Variants in SMIM41 observed in about 807,000 individuals in gnomAD.
The protein encoded by SMIM41 is small integral membrane protein 41.
intron 2 of SMIM41, among the ~76,000 whole-genome samples, chr12:52,096,878 G>C (rs1940107165): frequency 6.6e-6 from 1 of 151,900 alleles, no homozygotes; most frequent in African/African-American, 2.4e-5. Flanking sequence ...AATAGCCAGG[G>C]GTAGACGATG....
At chr12:52,089,612 CAAAACA>C (rs2120666672) in intron 2 of SMIM41, among the ~76,000 whole-genome samples, 1 of 151,954 alleles carries the variant, frequency 6.6e-6, no homozygotes, top group Middle Eastern at 3.4e-3. Flanking sequence ...CAAAACAAAA[CAAAACA>C]AAACAAAACA....
chr12:52,086,705 C>T (rs534274408), intron 2 of SMIM41, among the ~76,000 whole-genome samples: 1 of 152,180 alleles, frequency 6.6e-6, no homozygotes, highest in African/African-American at 2.4e-5. Context: ...GCTTTATGGC[C>T]ATGCCTTCTA....
chr12:52,095,255 G>A (rs1246245449), intron 2 of SMIM41, among the ~76,000 whole-genome samples: 1 of 151,770 alleles, frequency 6.6e-6, no homozygotes, highest in East Asian at 1.9e-4. Flanking sequence ...GGCGCCCCCC[G>A]CGATGCGGGG....
intron 2 of SMIM41, among the ~76,000 whole-genome samples, chr12:52,084,241 G>T (rs1385418727): frequency 6.6e-6 from 1 of 151,902 alleles, no homozygotes; most frequent in African/African-American, 2.4e-5. Flanking sequence ...GGATGTGGCG[G>T]TGCATGCCTA....
rs117199934 is a variant in SMIM41, at chr12:52,080,875, G to T, written c.*120+694G>T. Among the ~76,000 whole-genome samples the T allele has an allele frequency of 5.8e-3, 887 of 152,294 alleles. 7 individuals carry two copies. Among genetic ancestry groups the T allele is most frequent in the Non-Finnish European group, 8.4e-3 (571 of 68,012 alleles). ...CCCTGGACCCTGCTCAGGTCGTGGG[G>T]AGGGGGTGGTGAAGGGTGGGGGAGT... On this transcript the variant is annotated intron_variant, in intron 1 of 2. Coordinates refer to ENST00000546390, the MANE Select transcript of SMIM41 (RefSeq NM_001369216.1).
intron 2 of SMIM41, among the ~76,000 whole-genome samples, chr12:52,089,453 A>G (rs1268602954): frequency 6.6e-6 from 1 of 152,124 alleles, no homozygotes; most frequent in Non-Finnish European, 1.5e-5. Flanking sequence ...ACATTAAAAA[A>G]TTAGCCGGGC....
At position 52,079,786 on chromosome 12, in the gene SMIM41, G is replaced by A; in HGVS notation, c.7G>A (p.Gly3Ser). The A allele has an allele frequency of 1.3e-5, 5 of 393,440 alleles. No individual in the cohort carries two copies. In the Admixed American group the frequency reaches 1.3e-4, roughly 10 times the overall value. 24.4% of individuals were successfully genotyped at this position (393,440 alleles called of 1,614,324 possible). ...GGGCAGCCGGCGCTGGAGCATGAAC[G>A]GCTCTCAGGCGGGCGCCGCGGCTCA... is the stretch of plus-strand genomic sequence containing the variant. MN[G>S]SQAGAAAQAA... The change falls in exon 1 of 3, where the codon GGC becomes AGC. Residue 3 changes from glycine (G) to serine (S), a missense_variant. Physicochemically the swap from Gly to Ser is moderately conservative, Grantham distance 56 (BLOSUM62 0). Transcript: ENST00000546390.
chr12:52,092,883 A>G (rs548697749), intron 2 of SMIM41, among the ~76,000 whole-genome samples: 1 of 152,336 alleles, frequency 6.6e-6, no homozygotes, highest in Non-Finnish European at 1.5e-5. Flanking sequence ...AGAGTGATTT[A>G]GAAAAAACAC....
At chr12:52,092,727 C>T (rs935309888) in intron 2 of SMIM41, 1 of 152,152 alleles carries the variant, frequency 6.6e-6, no homozygotes, top group Non-Finnish European at 1.5e-5. Flanking sequence ...AAAACCAAAC[C>T]AAACCATGCC....
chr12:52,080,148 C>A lies in SMIM41; in HGVS notation c.*87C>A, dbSNP rs1236442942. Reference sequence around the variant, plus strand: ...GCATGCCCGACGGCTGCTGCGGTCCCGACCCCTTACCCGAAGCGGCGCGCC... The same window carrying A: ...GCATGCCCGACGGCTGCTGCGGTCCAGACCCCTTACCCGAAGCGGCGCGCC... On this transcript the variant is annotated 3_prime_UTR_variant, in exon 1 of 3. Transcript: ENST00000546390. The A allele has an allele frequency of 5.9e-6, 2 of 340,426 alleles. No homozygotes were observed. Among genetic ancestry groups the A allele is most frequent in the Non-Finnish European group, 1.1e-5 (2 of 188,706 alleles). 21.1% of individuals were successfully genotyped at this position (340,426 alleles called of 1,614,324 possible).
At chr12:52,089,941 TG>T (rs1230907579) in intron 2 of SMIM41, among the ~76,000 whole-genome samples, 1 of 152,124 alleles carries the variant, frequency 6.6e-6, no homozygotes, top group Non-Finnish European at 1.5e-5. Context: ...ACGTCTTTTT[TG>T]GGGGGGACAC....
chr12:52,106,440 T>C (rs1434924163), intron 2 of SMIM41, among the ~76,000 whole-genome samples: 1 of 152,172 alleles, frequency 6.6e-6, no homozygotes, highest in Non-Finnish European at 1.5e-5. Context: ...CCTCCCAGGT[T>C]CAAGCCATTC....
intron 1 of SMIM41, among the ~76,000 whole-genome samples, chr12:52,080,790 G>C (rs1022187106): frequency 8.5e-5 from 13 of 152,292 alleles, no homozygotes; most frequent in Non-Finnish European, 1.6e-4. Flanking sequence ...GGTCATGTTT[G>C]AGGGCAGATC....
intron 1 of SMIM41, among the ~76,000 whole-genome samples, chr12:52,083,070 C>T (rs570359171): frequency 2.0e-5 from 3 of 152,172 alleles, no homozygotes; most frequent in Non-Finnish European, 4.4e-5. Flanking sequence ...TGGGCCTGGA[C>T]CTGGGAGACC....
In SMIM41 at chr12:52,094,262, A is replaced by C. The variant is rs558705845; in HGVS notation, c.*195+10294A>C. ...CCAGGCTGGAGTGCAGTGGCAGCAC[A>C]GTCTCAGTTCACTGCAACCTCTGCC... On this transcript the variant is annotated intron_variant, in intron 2 of 2. Transcript: ENST00000546390. Among the ~76,000 whole-genome samples, 5 of 148,388 alleles carry C rather than the reference A, an allele frequency of 3.4e-5. No individual in the cohort carries two copies. In the East Asian group the frequency reaches 1.0e-3, roughly 30 times the overall value.
rs117887292 is a variant in SMIM41 at position 52,095,680 on chromosome 12, T to A, written c.*196-11699T>A. Among the ~76,000 whole-genome samples the A allele has an allele frequency of 6.2e-3, 950 of 152,178 alleles. 6 individuals are homozygous for A. The highest frequency in any genetic ancestry group is 7.3e-3 in the Non-Finnish European group (496 of 67,994). On this transcript the variant is annotated intron_variant, in intron 2 of 2. Coordinates refer to ENST00000546390, the MANE Select transcript of SMIM41 (RefSeq NM_001369216.1). ...TCTCTCCTGGATCATGGGAACAATA[T>A]CACTGGGGTGGTGTACATTTTCTGC...
rs1940374828 is a variant in SMIM41 at position 52,107,988 on chromosome 12, T to C, written c.*805T>C. On this transcript the variant is annotated 3_prime_UTR_variant, in exon 3 of 3. Coordinates refer to ENST00000546390, the MANE Select transcript of SMIM41 (RefSeq NM_001369216.1). The stretch of plus-strand genomic sequence containing the variant: ...TCCCATCTCGGGGACCCTTTTCTCT[T>C]ACTATAAAATTGTTTCCTCCATTCT... The C allele has an allele frequency of 3.9e-6, 1 of 258,156 alleles. No individual in the cohort carries two copies. The highest frequency in any genetic ancestry group is 7.6e-6 in the Non-Finnish European group (1 of 132,270). 16.0% of individuals were successfully genotyped at this position (258,156 alleles called of 1,614,324 possible).
chr12:52,085,849 C>A (rs1335218108), intron 2 of SMIM41, among the ~76,000 whole-genome samples: 1 of 152,152 alleles, frequency 6.6e-6, no homozygotes, highest in Non-Finnish European at 1.5e-5. Context: ...GCTGGGTGGC[C>A]ATGAGATAAC....
Position 52,079,906 on chromosome 12 carries a change from C to G in SMIM41, c.127C>G (p.Leu43Val). Reference protein sequence around the residue: ...RAVQAVVLGVLSLLVLCGVLF... With the variant: ...RAVQAVVLGVVSLLVLCGVLF... ...GGTGCAGGCGGTGGTGCTCGGCGTG[C>G]TGTCCCTGCTGGTGCTTTGCGGGGT... The change falls in exon 1 of 3, where the codon CTG (leucine) becomes GTG (valine). Residue 43 changes from leucine (L) to valine (V), a missense_variant. Leu to Val is a conservative substitution (Grantham distance 32, BLOSUM62 1). Transcript: ENST00000546390. 1 of 388,894 alleles carries G rather than the reference C, an allele frequency of 2.6e-6. No individual in the cohort carries two copies. Among genetic ancestry groups the G allele is most frequent in the Non-Finnish European group, 4.6e-6 (1 of 219,644 alleles). The allele number at this position is 388,894 out of a possible 1,614,324, so 24.1% of individuals were successfully genotyped here.
Sources: allele counts gnomAD v4.1 joint callset (sites outside exome capture counted in the v4.1 genomes callset), GRCh38; gene constraint gnomAD v4.1.1; transcripts MANE v1.5; gene names NCBI Gene and HGNC (gene_info 2026-07-23, HGNC 2026-07-21).